The following CCDC88A variants were observed in gnomAD, a reference collection of about 807,000 sequenced individuals.
CCDC88A encodes the protein coiled-coil and HOOK domain protein 88A, also known as girdin.
A neutral mutation model predicts 234.3 loss-of-function variants in CCDC88A; 54 were observed. That is an observed-to-expected ratio of 0.23 (90% CI 0.19 to 0.29). The LOEUF is 0.29. CCDC88A is among the 10% of genes least tolerant of loss of function. The pLI is 1.00. For missense variants in CCDC88A, 1,832 were observed against 2,123.4 expected (o/e 0.86, Z 2.70); for synonymous variants, 753 against 737.8 (o/e 1.02, Z -0.33).
chr2:55,307,499 G>C (rs1270322778), intron 25 of CCDC88A, among the ~76,000 whole-genome samples: 1 of 151,682 alleles, frequency 6.6e-6, no homozygotes, highest in Non-Finnish European at 1.5e-5. Flanking sequence ...GGGATTATAG[G>C]CATGCACCAC....
At chr2:55,320,083 G>A (rs149178667) in intron 18 of CCDC88A, among the ~76,000 whole-genome samples, 67 of 152,094 alleles carry the variant, frequency 4.4e-4, no homozygotes, top group African/African-American at 7.2e-4. Context: ...TTTAAGATGC[G>A]TTATGATTTT....
chr2:55,377,456 C>T (rs1383815573), intron 3 of CCDC88A, among the ~76,000 whole-genome samples: 1 of 137,342 alleles, frequency 7.3e-6, no homozygotes, highest in Non-Finnish European at 1.6e-5. Flanking sequence ...CCGTGCCCAG[C>T]GAGATTTTTT....
At chr2:55,298,913 C>G (rs2917774) in intron 29 of CCDC88A, among the ~76,000 whole-genome samples, 1 of 149,148 alleles carries the variant, frequency 6.7e-6, no homozygotes, top group East Asian at 2.0e-4. Flanking sequence ...ACAAAAAACC[C>G]TCCAGGCCGG....
At chr2:55,393,857 G>A (rs1231664162) in intron 2 of CCDC88A, among the ~76,000 whole-genome samples, 1 of 152,118 alleles carries the variant, frequency 6.6e-6, no homozygotes, top group Non-Finnish European at 1.5e-5. Context: ...AATGCATGAT[G>A]TCTGCTGTAA....
At position 55,317,854 on chromosome 2, in the gene CCDC88A, A is replaced by G. The variant is rs2104626381; in HGVS notation, c.3325-13T>C. 6.5e-7 allele frequency: 1 copy of G among 1,544,960 alleles called. No homozygotes were observed. The highest frequency in any genetic ancestry group is 8.8e-7 in the Non-Finnish European group (1 of 1,135,172). On this transcript the variant is annotated splice_polypyrimidine_tract_variant and intron_variant, in intron 19 of 32. Transcript: ENST00000436346. The surrounding 1 kb of genome is among the most constrained non-coding windows in gnomAD (Gnocchi z 4.2). ...TGGAATTTTCAACCTATAAGAATAT[A>G]TATTGTTATCAGACATAAGAAAAAC...
chr2:55,349,797 CTAA>C, intron 8 of CCDC88A, 198 bp from the exon 9 acceptor site: 1 of 471,422 alleles, frequency 2.1e-6, no homozygotes, highest in Non-Finnish European at 3.7e-6. Flanking sequence ...AACCTCTTCC[CTAA>C]TGTTTTCCAA....
Position 55,344,493 on chromosome 2 carries a change from C to T in CCDC88A, c.1063G>A (p.Val355Ile). The T allele has an allele frequency of 6.4e-7, 1 of 1,553,064 alleles. No individual in the cohort carries two copies. The highest frequency in any genetic ancestry group is 1.2e-5 in the South Asian group (1 of 82,686). The change falls in exon 11 of 33, where the codon GTT becomes ATT. Residue 355 changes from valine (V) to isoleucine (I), a missense_variant. By Grantham distance (29) the Val-to-Ile change is conservative. Transcript: ENST00000436346. ...AACATGGTTTTTGTTTCTAATAAAA[C>T]TTGATTGTCTTCTTTTAATTCCTAT... ...RVEELKEDNQ[V>I]LLETKTMLED...
chr2:55,417,968 G>C (rs1574552916), intron 2 of CCDC88A: 1 of 152,070 alleles, frequency 6.6e-6, no homozygotes, highest in African/African-American at 2.4e-5. Context: ...GAAAAATTCA[G>C]TTTGATAAAC....
intron 3 of CCDC88A, among the ~76,000 whole-genome samples, chr2:55,378,589 A>G (rs1365504230): frequency 2.0e-5 from 2 of 101,274 alleles, no homozygotes; most frequent in Non-Finnish European, 4.7e-5. Flanking sequence ...GAAAAACTCT[A>G]TTTTCAAGTA....
intron 8 of CCDC88A, among the ~76,000 whole-genome samples, chr2:55,351,606 A>T (rs1406097478): frequency 6.6e-6 from 1 of 152,206 alleles, no homozygotes; most frequent in African/African-American, 2.4e-5. Flanking sequence ...TCAGCCTCCC[A>T]AAGTGCTGGA....
At chr2:55,302,975 G>A in intron 26 of CCDC88A, 94 bp downstream of exon 26, 2 of 847,602 alleles carry the variant, frequency 2.4e-6, no homozygotes, top group Non-Finnish European at 3.9e-6. Flanking sequence ...GCAAAATAAG[G>A]AAATTGGCAC....
chr2:55,351,411 A>G (rs1181059282), intron 8 of CCDC88A, among the ~76,000 whole-genome samples: 1 of 151,992 alleles, frequency 6.6e-6, no homozygotes, highest in Non-Finnish European at 1.5e-5. Flanking sequence ...GTAGTGGTGC[A>G]GTCCCAGCTC....
chr2:55,372,076 T>C (rs1672930075), intron 5 of CCDC88A, among the ~76,000 whole-genome samples: 1 of 152,116 alleles, frequency 6.6e-6, no homozygotes, highest in South Asian at 2.1e-4. Context: ...CCTCCTCCCT[T>C]CCCTTCTCTT....
chr2:55,341,635 G>A (rs975862524), intron 12 of CCDC88A, among the ~76,000 whole-genome samples: 2 of 149,714 alleles, frequency 1.3e-5, no homozygotes, highest in African/African-American at 4.9e-5. Flanking sequence ...AGCAGAGACG[G>A]GGTTTCACCA....
At chr2:55,311,130 G>C (rs183723177) in intron 23 of CCDC88A, among the ~76,000 whole-genome samples, 47 of 152,260 alleles carry the variant, frequency 3.1e-4, no homozygotes, top group African/African-American at 1.0e-3. Context: ...CTGCTTAAGG[G>C]ACAGGAGACT....
chr2:55,366,809 C>T (rs531321584), intron 5 of CCDC88A, among the ~76,000 whole-genome samples: 1 of 152,148 alleles, frequency 6.6e-6, no homozygotes, highest in South Asian at 2.1e-4. Context: ...GGAAATGGCA[C>T]CCAAAACAAG....
At chr2:55,299,276 T>G (rs773238843) in intron 29 of CCDC88A, among the ~76,000 whole-genome samples, 1 of 152,156 alleles carries the variant, frequency 6.6e-6, no homozygotes, top group Non-Finnish European at 1.5e-5. Context: ...TCAGTCAAGG[T>G]TTCCAGACAT....
intron 29 of CCDC88A, among the ~76,000 whole-genome samples, chr2:55,299,248 A>G (rs1337744491): frequency 6.6e-6 from 1 of 152,214 alleles, no homozygotes; most frequent in Non-Finnish European, 1.5e-5. Flanking sequence ...TAGGCAGTAT[A>G]TCTTTAAGAA....
chr2:55,393,238 A>G (rs542755895), intron 2 of CCDC88A, among the ~76,000 whole-genome samples: 1 of 110,298 alleles, frequency 9.1e-6, no homozygotes, highest in East Asian at 2.9e-4. Flanking sequence ...TACATTGTCT[A>G]TTGGTGCTAT....
Sources: gnomAD v4.1 joint callset for allele counts (sites outside exome capture counted in the v4.1 genomes callset) on GRCh38, gnomAD v4.1.1 for gene constraint, Gnocchi (gnomAD v3.1) non-coding constraint, MANE v1.5 for transcripts, NCBI Gene and HGNC (gene_info 2026-07-23, HGNC 2026-07-21) for gene names.